MTMR8: variants seen among roughly 807,000 people sequenced by gnomAD.
MTMR8 encodes myotubularin related protein 8.
Under a neutral mutation model 39.3 loss-of-function variants are expected in MTMR8, and 65 were observed. The ratio of observed to expected loss-of-function variants is 1.65; its 90% CI spans 1.35 to 2.03. The LOEUF (loss-of-function observed/expected upper bound fraction) is 2.03. Ranked by LOEUF, MTMR8 falls within the 30% of genes most tolerant of loss-of-function variation. MTMR8 has a pLI of 0.00. For synonymous variants in MTMR8, 245 were observed against 185.2 expected (o/e 1.32, Z -2.62); for missense variants, 777 against 538.9 (o/e 1.44, Z -4.37).
chrX:64,342,295 T>C (rs1240735663), intron 8 of MTMR8, among the ~76,000 whole-genome samples: 1 of 112,259 alleles, frequency 8.9e-6, no homozygotes, highest in Non-Finnish European at 1.9e-5. Context: ...GAGAAACACT[T>C]TTGAAGCAGA....
intron 1 of MTMR8, among the ~76,000 whole-genome samples, chrX:64,390,077 G>T (rs760049529): frequency 1.5e-4 from 17 of 111,417 alleles, no homozygotes; most frequent in Non-Finnish European, 2.8e-4. Context: ...CCTGCTTCTT[G>T]TCTAAATGCA....
At chrX:64,315,524 A>G (rs762238334) in intron 12 of MTMR8, among the ~76,000 whole-genome samples, 11 of 111,519 alleles carry the variant, frequency 9.9e-5, no homozygotes, top group Non-Finnish European at 1.3e-4. Flanking sequence ...ATTTCTTCTG[A>G]AGTCTATTTA....
At position 64,291,906 on chromosome X, in the gene MTMR8, C is replaced by T. The variant is rs767454790; in HGVS notation, c.1482-20833G>A. Among the ~76,000 whole-genome samples, 130 of 111,399 alleles carry T rather than the reference C, an allele frequency of 1.2e-3. 2 individuals carry two copies. Among genetic ancestry groups the T allele is most frequent in the African/African-American group, 4.1e-3 (125 of 30,677 alleles). On this transcript the variant is annotated intron_variant, in intron 12 of 13. Transcript: ENST00000374852. ...TTTGAGAGAGAGGCACCAAGCTGCCCAGGGAAGGTCAGCCTGATCACCTGG... is the reference window on the plus strand; with the variant it reads ...TTTGAGAGAGAGGCACCAAGCTGCCTAGGGAAGGTCAGCCTGATCACCTGG...
chrX:64,336,115 T>C lies in MTMR8; in HGVS notation c.1115A>G (p.Lys372Arg). The change falls in exon 10 of 14, where the codon AAG (lysine) becomes AGG (arginine). Residue 372 changes from lysine (K) to arginine (R), a missense_variant. Lys to Arg is a conservative substitution (Grantham distance 26). Transcript: ENST00000374852. Reference sequence around the variant, plus strand: ...CTTGTGGCCCATGGATATCCATTCCTTCTCTATCAAGATCTTCATTTTATA... The same window carrying C: ...CTTGTGGCCCATGGATATCCATTCCCTCTCTATCAAGATCTTCATTTTATA... ...TFKGLMILIE[K>R]EWISMGHKFS... The C allele has an allele frequency of 8.4e-7, 1 of 1,190,370 alleles. No individual in the cohort carries two copies. The highest frequency in any genetic ancestry group is 1.1e-6 in the Non-Finnish European group (1 of 882,924).
chrX:64,380,796 C>G (rs1402804984), intron 1 of MTMR8, among the ~76,000 whole-genome samples: 2 of 111,078 alleles, frequency 1.8e-5, no homozygotes, highest in Non-Finnish European at 3.8e-5. Context: ...TTGCTGTGTC[C>G]ATGTGTTCTC....
In MTMR8 at chrX:64,297,870, T is replaced by A. The variant is rs1443857849; in HGVS notation, c.1482-26797A>T. On this transcript the variant is annotated intron_variant, in intron 12 of 13. Coordinates refer to ENST00000374852, the MANE Select transcript of MTMR8 (RefSeq NM_017677.4). ...TCCCCATTGCTTGTTTTTCTCAGGT[T>A]TGTCAAAGATCAGATAGTTGTAGGT... Among the ~76,000 whole-genome samples the A allele has an allele frequency of 3.7e-5, 4 of 107,236 alleles. No individual in the cohort carries two copies. The East Asian group carries it at 1.2e-3, about 32-fold the overall frequency. 93.1% of individuals were successfully genotyped at this position (107,236 alleles called of 115,157 possible). A position where few individuals can be genotyped will look rare whatever the true frequency, so the allele number is the denominator to read the frequency against.
At chrX:64,312,703 T>C (rs1922350458) in intron 12 of MTMR8, among the ~76,000 whole-genome samples, 1 of 112,478 alleles carries the variant, frequency 8.9e-6, no homozygotes, top group African/African-American at 3.2e-5. Flanking sequence ...GCTATGGCCA[T>C]ACAAAGTGTA....
At chrX:64,377,388 C>T (rs755623317) in intron 1 of MTMR8, among the ~76,000 whole-genome samples, 1 of 112,656 alleles carries the variant, frequency 8.9e-6, no homozygotes, top group East Asian at 2.8e-4. Flanking sequence ...GGGCTGTACC[C>T]TGCAGAGCCA....
intron 12 of MTMR8, among the ~76,000 whole-genome samples, chrX:64,308,322 T>TA (rs1485093523): frequency 1.2e-5 from 1 of 85,148 alleles, no homozygotes; most frequent in Non-Finnish European, 2.3e-5. Flanking sequence ...GGCTGGCTAT[T>TA]TTTTTTTTTT....
chrX:64,348,294 C>T (rs1015070805), intron 6 of MTMR8, among the ~76,000 whole-genome samples: 13 of 110,205 alleles, frequency 1.2e-4, no homozygotes, highest in Admixed American at 3.9e-4. Flanking sequence ...AGTAAGTTTC[C>T]AATGTCTAAG....
intron 12 of MTMR8, among the ~76,000 whole-genome samples, chrX:64,315,829 T>A (rs141953367): frequency 6.2e-4 from 69 of 111,866 alleles, no homozygotes; most frequent in South Asian, 2.6e-3. Context: ...TGTGGGTTAC[T>A]TTTTTACAAT....
intron 12 of MTMR8, among the ~76,000 whole-genome samples, chrX:64,307,554 C>T (rs765606880): frequency 1.2e-4 from 13 of 111,391 alleles, no homozygotes; most frequent in South Asian, 3.8e-4. Context: ...TATTGAGTTT[C>T]GTATCTATCC....
At chrX:64,339,828 G>C (rs927652075) in intron 8 of MTMR8, among the ~76,000 whole-genome samples, 1 of 109,989 alleles carries the variant, frequency 9.1e-6, no homozygotes, top group Non-Finnish European at 1.9e-5. Flanking sequence ...AGTGAGAAGA[G>C]GTATTATATA....
In MTMR8 at chrX:64,269,054, A is replaced by C; in HGVS notation, c.1609-11T>G. 3 of 1,203,148 alleles carry C rather than the reference A, an allele frequency of 2.5e-6. No individual in the cohort carries two copies. The highest frequency in any genetic ancestry group is 3.4e-6 in the Non-Finnish European group (3 of 891,338). ...ACGGACTTTTAGTTTCTGCCTCAGG[A>C]GCAAGAAAGGGTTGAGAAGAATTAG... On this transcript the variant is annotated splice_polypyrimidine_tract_variant and intron_variant, in intron 13 of 13. Transcript: ENST00000374852.
chrX:64,273,405 C>T (rs893320315), intron 12 of MTMR8, among the ~76,000 whole-genome samples: 1 of 101,152 alleles, frequency 9.9e-6, no homozygotes, highest in Non-Finnish European at 2.0e-5. Context: ...ATTGTAGTTA[C>T]AAAGGAAATA....
chrX:64,378,166 G>GA (rs1171450690), intron 1 of MTMR8, among the ~76,000 whole-genome samples: 1 of 111,787 alleles, frequency 8.9e-6, no homozygotes, highest in Non-Finnish European at 1.9e-5. Flanking sequence ...AGCAATGCAA[G>GA]AAAAAACTAA....
intron 1 of MTMR8, among the ~76,000 whole-genome samples, chrX:64,377,637 A>G (rs1288950443): frequency 1.8e-5 from 2 of 112,441 alleles, no homozygotes; most frequent in African/African-American, 6.5e-5. Flanking sequence ...TTTTTATTTT[A>G]CAGGCTCATA....
At chrX:64,289,913 A>T (rs1488719929) in intron 12 of MTMR8, among the ~76,000 whole-genome samples, 1 of 111,196 alleles carries the variant, frequency 9.0e-6, no homozygotes, top group African/African-American at 3.3e-5. Flanking sequence ...AAAACATTGT[A>T]TGATTCCTCT....
At chrX:64,337,197 T>C in intron 9 of MTMR8, 71 bp downstream of exon 9, 1 of 1,104,127 alleles carries the variant, frequency 9.1e-7, no homozygotes, top group East Asian at 3.1e-5. Context: ...AAATATTGTT[T>C]GACAGTTATT....
Sources: allele counts gnomAD v4.1 joint callset (sites outside exome capture counted in the v4.1 genomes callset), GRCh38; gene constraint gnomAD v4.1.1; transcripts MANE v1.5; gene names NCBI Gene and HGNC (gene_info 2026-07-23, HGNC 2026-07-21).